The following CDK14 variants were observed in gnomAD, a reference collection of about 807,000 sequenced individuals.
The protein encoded by CDK14 is cyclin-dependent kinase 14.
A neutral mutation model predicts 60.7 loss-of-function variants in CDK14; 34 were observed. The observed-to-expected ratio is 0.56, with a 90% CI of 0.43 to 0.75. The LOEUF (loss-of-function observed/expected upper bound fraction) is 0.75. Among genes scored for constraint, CDK14 ranks in the 30% least tolerant of loss-of-function variants. CDK14 has a pLI of 0.00. For synonymous variants in CDK14, 197 were observed against 203.7 expected (o/e 0.97, Z 0.28); for missense variants, 482 against 564.1 (o/e 0.85, Z 1.47).
intron 14 of CDK14, among the ~76,000 whole-genome samples, chr7:91,129,997 A>T (rs533832854): frequency 1.8e-4 from 28 of 152,212 alleles, no homozygotes; most frequent in Non-Finnish European, 2.6e-4. Flanking sequence ...GAGTTCATTG[A>T]TATAGTTTCA....
Position 91,118,099 on chromosome 7 carries a change from G to A in CDK14, c.1329G>A (p.Leu443=), listed in dbSNP as rs1452546516. ...SSIFTVPNVR[L]QPEAGESMRA... The stretch of plus-strand genomic sequence containing the variant: ...TTTTTACTGTCCCAAATGTGAGATT[G>A]CAACCAGAAGCTGGAGAAAGCATGC... The change falls in exon 14 of 15, where the codon TTG becomes TTA. Residue 443 remains leucine (L), a synonymous_variant. Transcript: ENST00000380050. The A allele has an allele frequency of 3.7e-6, 6 of 1,613,146 alleles. No homozygotes were observed. The highest frequency in any genetic ancestry group is 1.3e-5 in the African/African-American group (1 of 74,870).
intron 14 of CDK14, among the ~76,000 whole-genome samples, chr7:91,123,462 C>A (rs893914089): frequency 6.8e-4 from 104 of 152,244 alleles, no homozygotes; most frequent in African/African-American, 2.4e-3. Context: ...CTAGTTGTTA[C>A]CATTACCCCC....
intron 9 of CDK14, 69 bp downstream of exon 9, chr7:90,955,886 C>T: frequency 6.4e-7 from 1 of 1,560,636 alleles, no homozygotes; most frequent in Non-Finnish European, 8.8e-7. Context: ...CCTAGACAAA[C>T]ATCCTAACAG....
chr7:90,624,734 G>C (rs1245082727), intron 2 of CDK14, among the ~76,000 whole-genome samples: 1 of 152,214 alleles, frequency 6.6e-6, no homozygotes, highest in Admixed American at 6.5e-5. Flanking sequence ...CCACTTAGTA[G>C]CTTTGTTACC....
At chr7:91,019,001 G>A (rs1796371371) in intron 10 of CDK14, among the ~76,000 whole-genome samples, 1 of 152,024 alleles carries the variant, frequency 6.6e-6, no homozygotes, top group Non-Finnish European at 1.5e-5. Context: ...CCATCACATT[G>A]GGGATTAGGT....
chr7:90,928,066 G>C (rs1316426611), intron 8 of CDK14, among the ~76,000 whole-genome samples: 1 of 152,040 alleles, frequency 6.6e-6, no homozygotes, highest in African/African-American at 2.4e-5. Flanking sequence ...AGCTCCATCA[G>C]CTCATTTAAG....
chr7:90,793,838 A>T (rs978434791), intron 5 of CDK14, among the ~76,000 whole-genome samples: 1 of 152,158 alleles, frequency 6.6e-6, no homozygotes, highest in African/African-American at 2.4e-5. Context: ...GCTTTCTTGG[A>T]GTTGAGTACT....
chr7:91,090,891 G>A (rs1378620844), intron 12 of CDK14, among the ~76,000 whole-genome samples: 1 of 151,954 alleles, frequency 6.6e-6, no homozygotes, highest in Non-Finnish European at 1.5e-5. Flanking sequence ...TCACCTGTTT[G>A]TATCTAGTGT....
At chr7:90,663,705 G>A (rs1030294266) in intron 2 of CDK14, among the ~76,000 whole-genome samples, 2 of 152,090 alleles carry the variant, frequency 1.3e-5, no homozygotes, top group South Asian at 2.1e-4. Context: ...CCTTTTAATG[G>A]TTCAAGAGCT....
intron 2 of CDK14, among the ~76,000 whole-genome samples, chr7:90,659,547 A>G (rs1380984715): frequency 1.3e-5 from 2 of 152,208 alleles, no homozygotes; most frequent in Admixed American, 6.6e-5. Context: ...GCCAGGAATG[A>G]TCTTATTAAA....
chr7:90,962,742 G>C (rs978547873), intron 9 of CDK14, among the ~76,000 whole-genome samples: 3 of 152,046 alleles, frequency 2.0e-5, no homozygotes, highest in Admixed American at 1.3e-4. Context: ...ACTGGTTTTG[G>C]GGTGATTTTT....
chr7:90,774,020 C>G (rs1804911735), intron 4 of CDK14, among the ~76,000 whole-genome samples: 1 of 151,684 alleles, frequency 6.6e-6, no homozygotes, highest in Non-Finnish European at 1.5e-5. Flanking sequence ...TCTCCTGCCC[C>G]AGACTCCAGA....
chr7:90,980,502 T>G (rs1584194166), intron 9 of CDK14, among the ~76,000 whole-genome samples: 1 of 151,590 alleles, frequency 6.6e-6, no homozygotes, highest in South Asian at 2.1e-4. Flanking sequence ...TAGAAAGAGG[T>G]GGGGGGAAAG....
At chr7:90,860,525 CTTT>C (rs1240085824) in intron 5 of CDK14, among the ~76,000 whole-genome samples, 13 of 129,302 alleles carry the variant, frequency 1.0e-4, no homozygotes, top group Non-Finnish European at 9.9e-5. Flanking sequence ...TGTCTCATTC[CTTT>C]TTTTTTTTTT....
intron 14 of CDK14, among the ~76,000 whole-genome samples, chr7:91,135,585 G>T (rs552112727): frequency 5.1e-4 from 77 of 152,288 alleles, no homozygotes; most frequent in Non-Finnish European, 9.1e-4. Flanking sequence ...CAAAGAGGGA[G>T]ATTTCAGTAT....
At chr7:91,022,540 A>AC (rs1437708062) in intron 10 of CDK14, among the ~76,000 whole-genome samples, 1 of 152,242 alleles carries the variant, frequency 6.6e-6, no homozygotes, top group Non-Finnish European at 1.5e-5. Flanking sequence ...TCCAAACAAT[A>AC]CAGTACCAAA....
At chr7:90,721,333 C>T (rs1459757137) in intron 2 of CDK14, among the ~76,000 whole-genome samples, 1 of 152,144 alleles carries the variant, frequency 6.6e-6, no homozygotes, top group African/African-American at 2.4e-5. Flanking sequence ...ATTCATACTT[C>T]TTTTATATTA....
chr7:90,821,635 A>G (rs1229542387), intron 5 of CDK14, among the ~76,000 whole-genome samples: 2 of 152,224 alleles, frequency 1.3e-5, no homozygotes, highest in African/African-American at 4.8e-5. Context: ...GTCTGTTGGC[A>G]CCAAAGAGGG....
intron 10 of CDK14, among the ~76,000 whole-genome samples, chr7:91,020,407 A>C (rs1796403579): frequency 6.6e-6 from 1 of 152,224 alleles, no homozygotes; most frequent in Non-Finnish European, 1.5e-5. Context: ...GTCCTAGGTA[A>C]TGAGAATACA....
Sources: allele counts gnomAD v4.1 joint callset (sites outside exome capture counted in the v4.1 genomes callset), GRCh38; gene constraint gnomAD v4.1.1; transcripts MANE v1.5; gene names NCBI Gene and HGNC (gene_info 2026-07-23, HGNC 2026-07-21).